The following PBX1 variants were observed in gnomAD, a reference collection of about 807,000 sequenced individuals.
PBX1 encodes PBX homeobox 1, also known as pre-B-cell leukemia transcription factor 1.
A neutral mutation model predicts 53.4 loss-of-function variants in PBX1; 6 were observed. The ratio of observed to expected loss-of-function variants is 0.11; its 90% CI spans 0.06 to 0.22. PBX1 has a LOEUF of 0.22. Among genes scored for constraint, PBX1 ranks in the 10% least tolerant of loss-of-function variants. PBX1 has a pLI of 1.00. For synonymous variants in PBX1, 204 were observed against 212.3 expected, an observed-to-expected ratio of 0.96 and a Z score of 0.34; for missense variants, 251 against 551.4, an observed-to-expected ratio of 0.46 and a Z score of 5.46.
At chr1:164,775,741 T>C (rs1667610338) in intron 2 of PBX1, among the ~76,000 whole-genome samples, 1 of 152,176 alleles carries the variant, frequency 6.6e-6, no homozygotes, top group African/African-American at 2.4e-5. Flanking sequence ...ATACTGGCTT[T>C]TAAGTGTTTA....
At chr1:164,656,891 C>G (rs1056673777) in intron 2 of PBX1, among the ~76,000 whole-genome samples, 3 of 151,914 alleles carry the variant, frequency 2.0e-5, no homozygotes, top group African/African-American at 7.3e-5. Context: ...TTTTCATCAA[C>G]TGGTGATTCA....
chr1:164,743,917 G>T (rs1665756424), intron 2 of PBX1, among the ~76,000 whole-genome samples: 1 of 152,168 alleles, frequency 6.6e-6, no homozygotes, highest in Non-Finnish European at 1.5e-5. Flanking sequence ...TGCGAGGGAG[G>T]CTAAGAAATG....
At chr1:164,756,750 G>T (rs1179345664) in intron 2 of PBX1, among the ~76,000 whole-genome samples, 1 of 152,162 alleles carries the variant, frequency 6.6e-6, no homozygotes, top group Admixed American at 6.5e-5. Flanking sequence ...TAGACTCTGG[G>T]TGTCCGTATA....
intron 8 of PBX1, among the ~76,000 whole-genome samples, chr1:164,825,797 G>C (rs1189929417): frequency 1.3e-5 from 2 of 152,158 alleles, no homozygotes; most frequent in East Asian, 3.9e-4. Flanking sequence ...AAGAGTCCCT[G>C]TGTTTCTATA....
intron 2 of PBX1, among the ~76,000 whole-genome samples, chr1:164,881,946 C>T (rs188177353): frequency 8.1e-4 from 123 of 152,258 alleles, no homozygotes; most frequent in African/African-American, 2.8e-3. Flanking sequence ...AGGTCCCACC[C>T]GCTATGCCCC....
rs1668338396 is a variant in PBX1 at position 164,788,782 on chromosome 1, T to A, written c.266-3712T>A. On this transcript the variant is annotated intron_variant, in intron 2 of 8. Coordinates refer to ENST00000420696, the MANE Select transcript of PBX1 (RefSeq NM_002585.4). ...CCCCCGCCCTTTTCTTTTCATTCTT[T>A]TGTTTTCTTCAGAACTCTGATTGGG... Among the ~76,000 whole-genome samples the A allele has an allele frequency of 2.1e-5, 3 of 142,728 alleles. No homozygotes were observed. The South Asian group carries it at 7.7e-4, about 37-fold the overall frequency. The allele number at this position is 142,728 out of a possible 152,430, so 93.6% of individuals were successfully genotyped here.
chr1:164,567,465 G>C (rs949088496), intron 2 of PBX1, among the ~76,000 whole-genome samples: 7 of 151,624 alleles, frequency 4.6e-5, no homozygotes, highest in Admixed American at 2.6e-4. Context: ...TCCTGGTAAA[G>C]ATGCAGAGGA....
intron 2 of PBX1, among the ~76,000 whole-genome samples, chr1:164,881,482 C>A (rs1267080491): frequency 6.7e-6 from 1 of 149,692 alleles, no homozygotes; most frequent in Non-Finnish European, 1.5e-5. Context: ...ACACCTTGCC[C>A]TTGTGTACTC....
intron 2 of PBX1, among the ~76,000 whole-genome samples, chr1:164,868,601 G>A (rs1672275525): frequency 1.3e-5 from 2 of 152,184 alleles, no homozygotes. Flanking sequence ...CCTGGATTTG[G>A]ATAACGAGCA....
intron 2 of PBX1, among the ~76,000 whole-genome samples, chr1:164,871,812 T>A (rs1274874241): frequency 6.6e-6 from 1 of 152,080 alleles, no homozygotes; most frequent in African/African-American, 2.4e-5. Flanking sequence ...TCAGGAAGAA[T>A]GGACCGCTCT....
chr1:164,564,716 T>C (rs1412840802), intron 2 of PBX1, among the ~76,000 whole-genome samples: 4 of 152,194 alleles, frequency 2.6e-5, no homozygotes, highest in Non-Finnish European at 5.9e-5. Flanking sequence ...AAAAGATTTA[T>C]GGACTGTGCA....
At position 164,839,369 on chromosome 1, in the gene PBX1, G is replaced by A. The variant is rs116075021; in HGVS notation, c.1201-7215G>A. On this transcript the variant is annotated intron_variant, in intron 8 of 8. Coordinates refer to ENST00000420696, the MANE Select transcript of PBX1 (RefSeq NM_002585.4). The stretch of plus-strand genomic sequence containing the variant: ...AAGTGGGCACTGAATACGTATTTAC[G>A]TAATTAAAAACTAAGTGATTACAGC... Among the ~76,000 whole-genome samples the A allele has an allele frequency of 1.3e-3, 205 of 152,264 alleles. No individual in the cohort carries two copies. The Middle Eastern group carries it at 0.017, about 13-fold the overall frequency.
chr1:164,732,252 A>G (rs1000498611), intron 2 of PBX1, among the ~76,000 whole-genome samples: 2 of 152,158 alleles, frequency 1.3e-5, no homozygotes, highest in Non-Finnish European at 2.9e-5. Context: ...TTTTGAAGTA[A>G]GGAATTGATA....
intron 8 of PBX1, chr1:164,829,463 A>T (rs1670642371): frequency 6.6e-6 from 1 of 152,212 alleles, no homozygotes; most frequent in South Asian, 2.1e-4. Flanking sequence ...GCCTTTAGCA[A>T]AACATAGCTA....
intron 2 of PBX1, among the ~76,000 whole-genome samples, chr1:164,772,059 T>G (rs1223530927): frequency 6.6e-6 from 1 of 152,250 alleles, no homozygotes; most frequent in South Asian, 2.1e-4. Context: ...CTTTGTCTGT[T>G]CATCCTTTCT....
intron 2 of PBX1, among the ~76,000 whole-genome samples, chr1:164,743,891 T>C (rs1219001009): frequency 6.6e-6 from 1 of 152,226 alleles, no homozygotes; most frequent in African/African-American, 2.4e-5. Context: ...AACTTAGTCC[T>C]ATGGCTACTC....
chr1:164,799,376 A>G (rs938204430), intron 3 of PBX1, among the ~76,000 whole-genome samples: 1 of 152,118 alleles, frequency 6.6e-6, no homozygotes, highest in Non-Finnish European at 1.5e-5. Flanking sequence ...CTGTAGTCCC[A>G]GCTACTCCGG....
At chr1:164,577,526 C>T (rs1456615815) in intron 2 of PBX1, among the ~76,000 whole-genome samples, 1 of 152,234 alleles carries the variant, frequency 6.6e-6, no homozygotes, top group East Asian at 1.9e-4. Context: ...TCATCATACA[C>T]ATGCCTAAGC....
At chr1:164,762,855 G>A (rs996400271) in intron 2 of PBX1, among the ~76,000 whole-genome samples, 1 of 152,142 alleles carries the variant, frequency 6.6e-6, no homozygotes, top group Non-Finnish European at 1.5e-5. Context: ...TGAAATTGGA[G>A]TTCTTATTTT....
Sources: gnomAD v4.1 joint callset for allele counts (sites outside exome capture counted in the v4.1 genomes callset) on GRCh38, gnomAD v4.1.1 for gene constraint, MANE v1.5 for transcripts, NCBI Gene and HGNC (gene_info 2026-07-23, HGNC 2026-07-21) for gene names.